The following TSPAN14 variants were observed in gnomAD, a reference collection of about 807,000 sequenced individuals.
TSPAN14 encodes the protein tetraspanin 14.
A neutral mutation model predicts 36.6 loss-of-function variants in TSPAN14; 16 were observed. The ratio of observed to expected loss-of-function variants is 0.44; its 90% CI spans 0.30 to 0.66. The LOEUF is 0.66. Ranked by LOEUF, TSPAN14 falls within the 30% of genes least tolerant of loss-of-function variation. The probability of loss-of-function intolerance (pLI) is 0.12; values close to 1 mark genes in which losing one functional copy is unlikely to be tolerated. For missense variants in TSPAN14, 231 were observed against 355.1 expected, an observed-to-expected ratio of 0.65 and a Z score of 2.81; for synonymous variants, 139 against 143.8, an observed-to-expected ratio of 0.97 and a Z score of 0.24.
intron 2 of TSPAN14, among the ~76,000 whole-genome samples, chr10:80,499,019 T>C (rs979555714): frequency 6.6e-6 from 1 of 152,188 alleles, no homozygotes. Flanking sequence ...CGCCTGCTGC[T>C]GGTGATTCGC....
chr10:80,467,772 C>T (rs1169671837), intron 1 of TSPAN14, among the ~76,000 whole-genome samples: 1 of 152,310 alleles, frequency 6.6e-6, no homozygotes, highest in Admixed American at 6.5e-5. Flanking sequence ...AGCCCAAACA[C>T]ACACTCCCAG....
intron 1 of TSPAN14, among the ~76,000 whole-genome samples, chr10:80,469,461 A>G (rs1846420679): frequency 6.6e-6 from 1 of 152,168 alleles, no homozygotes; most frequent in South Asian, 2.1e-4. Flanking sequence ...CATCCCCTGC[A>G]TTCTGGCGAA....
intron 2 of TSPAN14, among the ~76,000 whole-genome samples, chr10:80,502,222 C>T (rs1208954997): frequency 4.6e-5 from 7 of 152,114 alleles, no homozygotes; most frequent in Non-Finnish European, 7.4e-5. Flanking sequence ...CAGGGAGTGG[C>T]GTTGGAGCAG....
rs1847911979 is a variant in TSPAN14, at chr10:80,491,380, C to G, written c.81+2066C>G. 2.0e-5 allele frequency among the ~76,000 whole-genome samples: 3 copies of G among 152,192 alleles called. No individual in the cohort carries two copies. The South Asian group carries it at 6.2e-4, about 32-fold the overall frequency. Reference sequence around the variant, plus strand: ...GTGTTCCCCTCCACCATCCCGCACCCCCAGGCAAGTATATGGTGGAGGTTC... The same window carrying G: ...GTGTTCCCCTCCACCATCCCGCACCGCCAGGCAAGTATATGGTGGAGGTTC... On this transcript the variant is annotated intron_variant, in intron 2 of 8. Coordinates refer to ENST00000429989, the Ensembl canonical transcript of TSPAN14.
chr10:80,484,624 T>A (rs1305203905), intron 1 of TSPAN14, among the ~76,000 whole-genome samples: 1 of 152,188 alleles, frequency 6.6e-6, no homozygotes, highest in East Asian at 1.9e-4. Flanking sequence ...ACAACGGGGG[T>A]CTTTTTGAAG....
At chr10:80,491,777 A>C (rs1847935379) in intron 2 of TSPAN14, among the ~76,000 whole-genome samples, 2 of 152,146 alleles carry the variant, frequency 1.3e-5, no homozygotes, top group South Asian at 4.1e-4. Flanking sequence ...ATCATTTTTC[A>C]GTTAGTGTGC....
chr10:80,503,735 C>G (rs1252571451), intron 2 of TSPAN14, among the ~76,000 whole-genome samples: 1 of 152,020 alleles, frequency 6.6e-6, no homozygotes, highest in African/African-American at 2.4e-5. Context: ...CATTCTAGCC[C>G]CTGGGGCTAG....
At chr10:80,515,833 G>A (rs74143160) in intron 7 of TSPAN14, 4,737 of 191,428 alleles carry the variant, frequency 0.025, 233 homozygotes, top group African/African-American at 0.1. Flanking sequence ...AGGAGACTCT[G>A]GACCCCCTTC....
intron 1 of TSPAN14, among the ~76,000 whole-genome samples, chr10:80,465,270 GCCTCAGTGCTCAGCCCAGTGCTCCCGTT>G (rs879697335): frequency 1.4e-3 from 209 of 152,236 alleles, no homozygotes; most frequent in Non-Finnish European, 5.6e-4. Flanking sequence ...CTTGCTTTGT[GCCTCAGTGCTCAGCCCAGTGCTCCCGTT>G]CCTCACGCGA....
intron 2 of TSPAN14, among the ~76,000 whole-genome samples, chr10:80,499,340 G>GTC (rs1258879004): frequency 6.6e-6 from 1 of 152,160 alleles, no homozygotes; most frequent in Non-Finnish European, 1.5e-5. Flanking sequence ...CTTTCGCAAG[G>GTC]TCATTTGCCT....
chr10:80,502,204 G>C (rs137856614), intron 2 of TSPAN14, among the ~76,000 whole-genome samples: 25 of 152,318 alleles, frequency 1.6e-4, no homozygotes, highest in South Asian at 2.1e-4. Flanking sequence ...AAGAATGTCA[G>C]GGTGGCCCAG....
chr10:80,516,153 G>A, intron 7 of TSPAN14, 51 bp from the exon 8 acceptor site: 1 of 1,613,012 alleles, frequency 6.2e-7, no homozygotes, highest in Non-Finnish European at 8.5e-7. Flanking sequence ...GGGATCAGGT[G>A]GGGACATCGT....
At chr10:80,508,757 T>G (rs907387754) in intron 4 of TSPAN14, among the ~76,000 whole-genome samples, 1 of 152,176 alleles carries the variant, frequency 6.6e-6, no homozygotes, top group African/African-American at 2.4e-5. Flanking sequence ...TCAGGCAAGC[T>G]ATGTACCTCG....
At chr10:80,461,202 G>A (rs912013632) in intron 1 of TSPAN14, among the ~76,000 whole-genome samples, 2 of 152,172 alleles carry the variant, frequency 1.3e-5, no homozygotes, top group Non-Finnish European at 2.9e-5. Context: ...CCCTGCACAG[G>A]TGACCCTGTT....
chr10:80,471,878 T>G (rs1480721723), intron 1 of TSPAN14, among the ~76,000 whole-genome samples: 2 of 152,204 alleles, frequency 1.3e-5, no homozygotes, highest in African/African-American at 4.8e-5. Context: ...TGAATCATTC[T>G]GAAAATCTCT....
At chr10:80,467,315 G>C (rs989418247) in intron 1 of TSPAN14, among the ~76,000 whole-genome samples, 4 of 152,112 alleles carry the variant, frequency 2.6e-5, no homozygotes, top group Non-Finnish European at 5.9e-5. Context: ...ATGGGGCTTA[G>C]AATTTTATTT....
intron 2 of TSPAN14, among the ~76,000 whole-genome samples, chr10:80,497,799 C>T (rs1848272718): frequency 6.6e-6 from 1 of 152,206 alleles, no homozygotes; most frequent in Admixed American, 6.5e-5. Flanking sequence ...GCCCTCTGCA[C>T]AGTCCTTCCC....
chr10:80,519,387 T>G (rs1194942627), exon 9 of TSPAN14: 1 of 152,762 alleles, frequency 6.5e-6, no homozygotes, highest in African/African-American at 2.4e-5. Context: ...TTTGTCTAGC[T>G]GGGCTACTTT....
intron 2 of TSPAN14, among the ~76,000 whole-genome samples, chr10:80,493,258 G>A (rs1039624821): frequency 2.0e-5 from 3 of 152,194 alleles, no homozygotes; most frequent in Non-Finnish European, 2.9e-5. Flanking sequence ...GAAAATAACC[G>A]ATGTTGATGA....
Sources: allele counts gnomAD v4.1 joint callset (sites outside exome capture counted in the v4.1 genomes callset), GRCh38; gene constraint gnomAD v4.1.1; transcripts MANE v1.5; gene names NCBI Gene and HGNC (gene_info 2026-07-23, HGNC 2026-07-21).